ZFYVE1: variants seen among roughly 807,000 people sequenced by gnomAD.
ZFYVE1 encodes zinc finger FYVE domain-containing protein 1.
Under a neutral mutation model 74.4 loss-of-function variants are expected in ZFYVE1, and 30 were observed. That is an observed-to-expected ratio of 0.40 (90% CI 0.30 to 0.55). The LOEUF (loss-of-function observed/expected upper bound fraction) is 0.55, where lower values mean the gene tolerates loss of function less well. Among genes scored for constraint, ZFYVE1 ranks in the 20% least tolerant of loss-of-function variants. ZFYVE1 has a pLI of 0.42. For missense variants in ZFYVE1, 703 were observed against 1,011.6 expected, an observed-to-expected ratio of 0.69 and a Z score of 4.14; for synonymous variants, 335 against 385.1, an observed-to-expected ratio of 0.87 and a Z score of 1.52.
intron 2 of ZFYVE1, among the ~76,000 whole-genome samples, chr14:73,012,349 C>T (rs951541711): frequency 1.3e-5 from 2 of 152,004 alleles, no homozygotes; most frequent in Non-Finnish European, 2.9e-5. Context: ...GGGCCAGGTA[C>T]GGTGCCTCAT....
intron 4 of ZFYVE1, among the ~76,000 whole-genome samples, chr14:72,983,495 T>C (rs1318301608): frequency 6.6e-6 from 1 of 152,020 alleles, no homozygotes; most frequent in Admixed American, 6.6e-5. Context: ...AATGATGGTT[T>C]CCAGCTTCAT....
intron 4 of ZFYVE1, among the ~76,000 whole-genome samples, chr14:72,989,441 T>G (rs935603668): frequency 1.3e-5 from 2 of 152,082 alleles, no homozygotes; most frequent in Non-Finnish European, 2.9e-5. Context: ...AAGAGTTAGC[T>G]CTACAGACTG....
intron 2 of ZFYVE1, among the ~76,000 whole-genome samples, chr14:73,020,890 T>C (rs1315516459): frequency 6.6e-6 from 1 of 152,120 alleles, no homozygotes; most frequent in East Asian, 1.9e-4. Flanking sequence ...TGAGCCACCA[T>C]GCCTAGCTAC....
In ZFYVE1 at chr14:72,969,994, A is replaced by T; in HGVS notation, c.*888T>A. ...AATAAGCAATGAAAATCCTAGTGCG[A>T]CACTCAGAAGCAGATGGTGGGCTTG... On this transcript the variant is annotated 3_prime_UTR_variant, in exon 12 of 12. Transcript: ENST00000556143. 1 of 489,404 alleles carries T rather than the reference A, an allele frequency of 2.0e-6. No individual in the cohort carries two copies. Among genetic ancestry groups the T allele is most frequent in the South Asian group, 2.8e-5 (1 of 35,518 alleles). The allele number at this position is 489,404 out of a possible 1,614,324, so 30.3% of individuals were successfully genotyped here.
At chr14:73,014,665 C>T (rs1894154271) in intron 2 of ZFYVE1, among the ~76,000 whole-genome samples, 1 of 152,174 alleles carries the variant, frequency 6.6e-6, no homozygotes, top group Admixed American at 6.5e-5. Flanking sequence ...AATACTCTGG[C>T]CATTGGAAGA....
rs901732624 is a variant in ZFYVE1 at position 72,975,068 on chromosome 14, G to A, written c.1807-109C>T. On this transcript the variant is annotated intron_variant, in intron 9 of 11. Coordinates refer to ENST00000556143, the MANE Select transcript of ZFYVE1 (RefSeq NM_021260.4). The surrounding 1 kb of genome is among the most constrained non-coding windows in gnomAD (Gnocchi z 4.1). ...GCAAGCAGAAACTAAGGCAGGTGGC[G>A]TTAGCTCAACAAGGACAAGAGCTTT... 3.4e-5 allele frequency: 42 copies of A among 1,240,906 alleles called. No individual in the cohort carries two copies. The highest frequency in any genetic ancestry group is 9.0e-5 in the African/African-American group (6 of 66,422). The allele number at this position is 1,240,906 out of a possible 1,614,324, so 76.9% of individuals were successfully genotyped here.
intron 11 of ZFYVE1, among the ~76,000 whole-genome samples, 189 bp from the exon 12 acceptor site, chr14:72,971,303 G>T (rs143252569): frequency 1.2e-3 from 182 of 152,288 alleles, no homozygotes; most frequent in African/African-American, 4.0e-3. Context: ...TGGGGCTGTC[G>T]CATAGGCACT....
chr14:73,011,237 C>G (rs1462748797), intron 2 of ZFYVE1, among the ~76,000 whole-genome samples: 1 of 151,456 alleles, frequency 6.6e-6, no homozygotes, highest in Non-Finnish European at 1.5e-5. Flanking sequence ...GTAATCCCAG[C>G]CCTTTAGGAG....
At chr14:72,971,187 CG>C (rs986424319) in intron 11 of ZFYVE1, 73 bp from the exon 12 acceptor site, 11 of 1,479,556 alleles carry the variant, frequency 7.4e-6, no homozygotes, top group Non-Finnish European at 1.0e-5. Flanking sequence ...AGGCCATCCT[CG>C]GATGCTTACT....
chr14:72,986,442 G>C (rs1011605186), intron 4 of ZFYVE1, among the ~76,000 whole-genome samples: 1 of 133,632 alleles, frequency 7.5e-6, no homozygotes, highest in Non-Finnish European at 1.6e-5. Context: ...GGCTTTACAA[G>C]AATCAAGAGT....
chr14:72,991,937 C>T (rs1025762467), intron 4 of ZFYVE1, among the ~76,000 whole-genome samples: 1 of 150,152 alleles, frequency 6.7e-6, no homozygotes, highest in Non-Finnish European at 1.5e-5. Flanking sequence ...GACAGCATCT[C>T]GCTCTGTCTC....
chr14:72,998,565 G>GA (rs1279219031), intron 2 of ZFYVE1, among the ~76,000 whole-genome samples: 2 of 150,698 alleles, frequency 1.3e-5, no homozygotes, highest in African/African-American at 2.4e-5. Context: ...GAAAAGAAAA[G>GA]AAAAAAACAA....
At chr14:73,010,917 T>C (rs1259105175) in intron 2 of ZFYVE1, among the ~76,000 whole-genome samples, 2 of 151,842 alleles carry the variant, frequency 1.3e-5, no homozygotes, top group African/African-American at 4.8e-5. Context: ...ACGTGGATAC[T>C]GCATGAAGGA....
downstream of ZFYVE1, chr14:72,969,446 C>G: frequency 2.3e-6 from 1 of 436,766 alleles, no homozygotes. Context: ...CCAGCACAGT[C>G]GAGATGCAGG....
intron 4 of ZFYVE1, among the ~76,000 whole-genome samples, chr14:72,984,374 C>CA: frequency 6.6e-6 from 1 of 151,794 alleles, no homozygotes; most frequent in Non-Finnish European, 1.5e-5. Flanking sequence ...ACTAAAAATA[C>CA]AAAAATTAGC....
chr14:73,023,334 A>ATATGTTTTATATATAATATATAT (rs1894377131), intron 2 of ZFYVE1, among the ~76,000 whole-genome samples: 2 of 74,798 alleles, frequency 2.7e-5, no homozygotes, highest in African/African-American at 5.5e-5. Flanking sequence ...TATATATTAT[A>ATATGTTTTATATATAATATATAT]TATGTTTTAT....
Position 72,995,024 on chromosome 14 carries a change from G to A in ZFYVE1, c.989-1667C>T, listed in dbSNP as rs148062249. ...CACAGATGGATTCAATAAATGTATC[G>A]GTGATAAAGGTTGAAAGGACTTTTT... is the stretch of plus-strand genomic sequence containing the variant. On this transcript the variant is annotated intron_variant, in intron 3 of 11. Transcript: ENST00000556143. Among the ~76,000 whole-genome samples the A allele has an allele frequency of 3.5e-4, 53 of 152,102 alleles. No individual in the cohort carries two copies. In the East Asian group the frequency reaches 7.5e-3, roughly 22 times the overall value.
intron 3 of ZFYVE1, 24 bp from the exon 4 acceptor site, chr14:72,993,381 C>T: frequency 1.3e-6 from 2 of 1,547,374 alleles, no homozygotes; most frequent in South Asian, 1.2e-5. Flanking sequence ...AACACAGGCA[C>T]ATGGGTAGTG....
At chr14:73,025,693 C>CAAA (rs34131740) in intron 1 of ZFYVE1, among the ~76,000 whole-genome samples, 63 of 76,062 alleles carry the variant, frequency 8.3e-4, no homozygotes, top group Admixed American at 1.9e-3. Context: ...AAGACTCCCT[C>CAAA]AAAAAAAAAA....
Sources: allele counts gnomAD v4.1 joint callset (sites outside exome capture counted in the v4.1 genomes callset), GRCh38; gene constraint gnomAD v4.1.1; non-coding constraint Gnocchi (gnomAD v3.1); transcripts MANE v1.5; gene names NCBI Gene and HGNC (gene_info 2026-07-23, HGNC 2026-07-21).